SLIT3: variants seen among roughly 807,000 people sequenced by gnomAD.
The protein encoded by SLIT3 is slit guidance ligand 3, also known as slit homolog 3 protein.
A neutral mutation model predicts 184.0 loss-of-function variants in SLIT3; 68 were observed. That is an observed-to-expected ratio of 0.37 (90% confidence interval 0.30 to 0.45). The LOEUF is 0.45. Ranked by LOEUF, SLIT3 falls within the 20% of genes least tolerant of loss-of-function variation. The pLI, the probability that SLIT3 is intolerant of heterozygous loss-of-function variation, is 1.00. For missense variants in SLIT3, 1,707 were observed against 2,026.0 expected, an observed-to-expected ratio of 0.84 and a Z score of 3.02; for synonymous variants, 831 against 828.6, an observed-to-expected ratio of 1.00 and a Z score of -0.05.
chr5:168,895,977 G>A (rs1390780856), intron 4 of SLIT3, among the ~76,000 whole-genome samples: 2 of 152,172 alleles, frequency 1.3e-5, no homozygotes, highest in Admixed American at 6.5e-5. Flanking sequence ...CACTAGTCTC[G>A]TGCCAAATAG....
intron 4 of SLIT3, among the ~76,000 whole-genome samples, chr5:169,059,256 A>G (rs934791478): frequency 6.6e-6 from 1 of 152,132 alleles, no homozygotes; most frequent in African/African-American, 2.4e-5. Context: ...CAAGTGAAAA[A>G]AGGCACTGTC....
chr5:168,924,161 C>G (rs1216433627), intron 4 of SLIT3, among the ~76,000 whole-genome samples: 1 of 152,232 alleles, frequency 6.6e-6, no homozygotes, highest in Non-Finnish European at 1.5e-5. Context: ...CCCTTCTGCT[C>G]TGTCATTTCA....
At chr5:169,261,664 A>G (rs1202203470) in intron 1 of SLIT3, among the ~76,000 whole-genome samples, 2 of 152,232 alleles carry the variant, frequency 1.3e-5, no homozygotes, top group African/African-American at 2.4e-5. Flanking sequence ...AATAGCAAAG[A>G]AGTTCCTTTT....
chr5:169,285,439 A>G (rs1767122862), intron 1 of SLIT3, among the ~76,000 whole-genome samples: 1 of 152,204 alleles, frequency 6.6e-6, no homozygotes, highest in African/African-American at 2.4e-5. Flanking sequence ...AAAAATGATG[A>G]TCATAACTAT....
At chr5:168,948,483 G>A (rs1387744511) in intron 4 of SLIT3, among the ~76,000 whole-genome samples, 1 of 152,222 alleles carries the variant, frequency 6.6e-6, no homozygotes, top group East Asian at 1.9e-4. Flanking sequence ...GCACCTGAGA[G>A]AAATGATTGT....
chr5:169,038,216 T>A (rs1379614513), intron 4 of SLIT3, among the ~76,000 whole-genome samples: 2 of 152,200 alleles, frequency 1.3e-5, no homozygotes, highest in East Asian at 3.9e-4. Flanking sequence ...GTTTGCTAAC[T>A]GGCACGGGTC....
intron 4 of SLIT3, among the ~76,000 whole-genome samples, chr5:169,180,210 A>G (rs1216898600): frequency 1.3e-5 from 2 of 152,110 alleles, no homozygotes; most frequent in Non-Finnish European, 2.9e-5. Flanking sequence ...AGCATATCCC[A>G]GGCAGAAGGA....
chr5:168,955,048 A>G lies in SLIT3; in HGVS notation c.414-71712T>C, dbSNP rs925009497. Among the ~76,000 whole-genome samples, 36 of 125,062 alleles carry G rather than the reference A, an allele frequency of 2.9e-4. No homozygotes were observed. The Admixed American group carries it at 3.3e-3, about 12-fold the overall frequency. 82.0% of individuals were successfully genotyped at this position (125,062 alleles called of 152,430 possible). On this transcript the variant is annotated intron_variant, in intron 4 of 35. Transcript: ENST00000519560. Reference sequence around the variant, plus strand: ...AGGAAGGCCTGTTCCCTGGCTACACAGCCCAGGCCACCTAGAGGCACTCCT... The same window carrying G: ...AGGAAGGCCTGTTCCCTGGCTACACGGCCCAGGCCACCTAGAGGCACTCCT...
chr5:169,116,977 A>G (rs10068850), intron 4 of SLIT3, among the ~76,000 whole-genome samples: 3,855 of 152,274 alleles, frequency 0.025, 171 homozygotes, highest in African/African-American at 0.089. Context: ...GTTTACTGTC[A>G]TCCTCATCCC....
chr5:168,705,384 A>G (rs1241303054), intron 26 of SLIT3, among the ~76,000 whole-genome samples: 1 of 152,216 alleles, frequency 6.6e-6, no homozygotes, highest in African/African-American at 2.4e-5. Flanking sequence ...TACTGTCAGT[A>G]CATAGTAGAT....
At chr5:169,065,043 G>A (rs949127033) in intron 4 of SLIT3, among the ~76,000 whole-genome samples, 1 of 152,116 alleles carries the variant, frequency 6.6e-6, no homozygotes, top group Non-Finnish European at 1.5e-5. Context: ...TTATTAGTAT[G>A]GTCCTTGAAG....
chr5:168,801,298 TG>T (rs1049760582), intron 9 of SLIT3, among the ~76,000 whole-genome samples: 14 of 152,218 alleles, frequency 9.2e-5, no homozygotes, highest in Non-Finnish European at 1.8e-4. Flanking sequence ...TTCTGTTTGC[TG>T]GTTTGTTTTG....
At chr5:169,212,470 G>GT (rs201569179) in intron 3 of SLIT3, among the ~76,000 whole-genome samples, 71 of 78,676 alleles carry the variant, frequency 9.0e-4, no homozygotes, top group Non-Finnish European at 1.3e-3. Context: ...GGGGTTGTAT[G>GT]TTTTTTTTTC....
chr5:169,002,306 G>A (rs572824290), intron 4 of SLIT3, among the ~76,000 whole-genome samples: 1 of 79,872 alleles, frequency 1.3e-5, no homozygotes, highest in Non-Finnish European at 2.2e-5. Flanking sequence ...CTGAGCAACA[G>A]AACGAGACTC....
At chr5:169,001,137 C>T (rs1268100297) in intron 4 of SLIT3, among the ~76,000 whole-genome samples, 5 of 152,178 alleles carry the variant, frequency 3.3e-5, no homozygotes, top group Admixed American at 2.6e-4. Flanking sequence ...AAGTGCTTTG[C>T]TATTTTTATA....
intron 3 of SLIT3, among the ~76,000 whole-genome samples, chr5:169,234,327 AC>A (rs368841395): frequency 3.9e-5 from 6 of 152,158 alleles, no homozygotes; most frequent in African/African-American, 1.4e-4. Flanking sequence ...ACATTTCCGC[AC>A]CAACTTCTAG....
intron 2 of SLIT3, among the ~76,000 whole-genome samples, chr5:169,247,082 A>G (rs11745655): frequency 0.048 from 7,304 of 151,384 alleles, 194 homozygotes; most frequent in Admixed American, 0.058. Context: ...TACAAAATTA[A>G]GCATGTGCCT....
intron 3 of SLIT3, among the ~76,000 whole-genome samples, chr5:169,231,262 C>T (rs1764991602): frequency 6.6e-6 from 1 of 152,086 alleles, no homozygotes; most frequent in Non-Finnish European, 1.5e-5. Flanking sequence ...CAAATTTGTA[C>T]AGCCTGAAGC....
chr5:169,195,476 G>A (rs1763711765), intron 3 of SLIT3, among the ~76,000 whole-genome samples: 1 of 152,216 alleles, frequency 6.6e-6, no homozygotes, highest in Admixed American at 6.5e-5. Context: ...AGGAAAGGCT[G>A]GAAAGTTGGA....
Sources: gnomAD v4.1 joint callset for allele counts (sites outside exome capture counted in the v4.1 genomes callset) on GRCh38, gnomAD v4.1.1 for gene constraint, MANE v1.5 for transcripts, NCBI Gene and HGNC (gene_info 2026-07-23, HGNC 2026-07-21) for gene names.